Variants in SHC4 observed in about 807,000 individuals in gnomAD.
SHC4 encodes the protein SHC adaptor protein 4.
SHC4 carries 41 observed loss-of-function variants against 69.4 expected under a neutral mutation model. That is an observed-to-expected ratio of 0.59 (90% CI 0.46 to 0.77). The LOEUF (loss-of-function observed/expected upper bound fraction) is 0.77, where lower values mean the gene tolerates loss of function less well. Among genes scored for constraint, SHC4 ranks in the 30% least tolerant of loss-of-function variants. The pLI, the probability that SHC4 is intolerant of heterozygous loss-of-function variation, is 0.00. For missense variants in SHC4, 777 were observed against 783.8 expected, an observed-to-expected ratio of 0.99 and a Z score of 0.10; for synonymous variants, 318 against 299.3, an observed-to-expected ratio of 1.06 and a Z score of -0.64.
chr15:48,916,106 G>A (rs546852856), intron 2 of SHC4, among the ~76,000 whole-genome samples: 34 of 152,134 alleles, frequency 2.2e-4, no homozygotes, highest in African/African-American at 7.2e-4. Flanking sequence ...TTAGACAAAC[G>A]CCAGACTGTT....
In SHC4 at chr15:48,911,797, G is replaced by C. The variant is rs1900513656; in HGVS notation, c.656+13082C>G. The stretch of plus-strand genomic sequence containing the variant: ...TCCTTGTAGTGGTGATGTGGTAATG[G>C]TGAATTCTCTCAGCATTTGTTCGTC... On this transcript the variant is annotated intron_variant, in intron 2 of 11. Coordinates refer to ENST00000332408, the MANE Select transcript of SHC4 (RefSeq NM_203349.4). 3.3e-5 allele frequency among the ~76,000 whole-genome samples: 5 copies of C among 152,242 alleles called. No homozygotes were observed. In the South Asian group the frequency reaches 1.0e-3, roughly 32 times the overall value.
intron 2 of SHC4, among the ~76,000 whole-genome samples, chr15:48,908,745 A>G (rs1472360736): frequency 6.6e-6 from 1 of 152,182 alleles, no homozygotes; most frequent in African/African-American, 2.4e-5. Context: ...AGTGATGAGG[A>G]TCCAGTTTCA....
intron 2 of SHC4, among the ~76,000 whole-genome samples, chr15:48,906,396 A>G (rs894585832): frequency 4.6e-5 from 7 of 151,916 alleles, no homozygotes; most frequent in African/African-American, 2.4e-5. Context: ...TGTATCTACT[A>G]CCTTCATTTT....
intron 2 of SHC4, 44 bp from the exon 3 acceptor site, chr15:48,890,855 T>G: frequency 1.3e-6 from 2 of 1,591,838 alleles, no homozygotes; most frequent in Admixed American, 1.7e-5. Flanking sequence ...GCATACTACC[T>G]CCACACAGTA....
At chr15:48,920,977 AAGGAGGAGG>A (rs902042262) in intron 2 of SHC4, among the ~76,000 whole-genome samples, 2 of 151,522 alleles carry the variant, frequency 1.3e-5, no homozygotes, top group Non-Finnish European at 2.9e-5. Flanking sequence ...GAAGAAGGAG[AAGGAGGAGG>A]AGGAGGAGGA....
intron 1 of SHC4, among the ~76,000 whole-genome samples, chr15:48,939,255 G>A (rs953680878): frequency 3.3e-5 from 5 of 152,184 alleles, no homozygotes; most frequent in African/African-American, 1.2e-4. Flanking sequence ...GGCTATGGGA[G>A]TGTGTCAGAG....
At chr15:48,896,524 T>C (rs1900224368) in intron 2 of SHC4, among the ~76,000 whole-genome samples, 2 of 152,132 alleles carry the variant, frequency 1.3e-5, no homozygotes, top group African/African-American at 2.4e-5. Context: ...TTTCGCCACA[T>C]TGGCCAGGCT....
intron 1 of SHC4, among the ~76,000 whole-genome samples, chr15:48,925,849 G>A (rs1341587884): frequency 6.6e-6 from 1 of 152,174 alleles, no homozygotes; most frequent in Non-Finnish European, 1.5e-5. Context: ...AAGAGGGATG[G>A]TGTCAATAGG....
chr15:48,825,842 G>T lies in SHC4; in HGVS notation c.*129C>A. The T allele has an allele frequency of 1.8e-6, 2 of 1,129,572 alleles. No homozygotes were observed. Among genetic ancestry groups the T allele is most frequent in the Non-Finnish European group, 1.2e-6 (1 of 803,078 alleles). The allele number at this position is 1,129,572 out of a possible 1,614,324, so 70.0% of individuals were successfully genotyped here. ...TCATTTTATAGAGGACCTGGTCCAT[G>T]ATGGTCTTGGAAAGATGCACTTCAC... On this transcript the variant is annotated 3_prime_UTR_variant, in exon 12 of 12. Transcript: ENST00000332408.
At chr15:48,921,310 A>G (rs962089842) in intron 2 of SHC4, among the ~76,000 whole-genome samples, 1 of 151,602 alleles carries the variant, frequency 6.6e-6, no homozygotes, top group Non-Finnish European at 1.5e-5. Context: ...GCTGGGGAGG[A>G]AGAGGAAATG....
chr15:48,878,580 T>G (rs748918804), intron 4 of SHC4: 1 of 1,614,062 alleles, frequency 6.2e-7, no homozygotes, highest in East Asian at 2.2e-5. Context: ...GACAAGATGT[T>G]TCTGAGAACA....
intron 2 of SHC4, among the ~76,000 whole-genome samples, chr15:48,915,546 C>T (rs754064814): frequency 5.3e-5 from 8 of 152,200 alleles, no homozygotes; most frequent in Non-Finnish European, 8.8e-5. Flanking sequence ...GACATCTGCA[C>T]GTGTGTGAAA....
At chr15:48,881,981 T>C (rs575998686) in intron 4 of SHC4, among the ~76,000 whole-genome samples, 1 of 152,338 alleles carries the variant, frequency 6.6e-6, no homozygotes, top group South Asian at 2.1e-4. Context: ...CATCTATGAA[T>C]ATATCCATAA....
At chr15:48,898,351 G>A (rs1900260825) in intron 2 of SHC4, among the ~76,000 whole-genome samples, 1 of 152,138 alleles carries the variant, frequency 6.6e-6, no homozygotes, top group South Asian at 2.1e-4. Context: ...TTATCAAGGG[G>A]CATCACCCGT....
intron 6 of SHC4, 48 bp from the exon 7 acceptor site, chr15:48,857,863 G>A: frequency 7.1e-7 from 1 of 1,415,318 alleles, no homozygotes; most frequent in Non-Finnish European, 9.3e-7. Flanking sequence ...TTTTTAGAAA[G>A]AGAAGATTAC....
chr15:48,948,717 G>A (rs779336881), intron 1 of SHC4, among the ~76,000 whole-genome samples: 13 of 152,064 alleles, frequency 8.5e-5, no homozygotes, highest in Non-Finnish European at 1.9e-4. Flanking sequence ...ACCAGCCTGG[G>A]CAACATAGCA....
chr15:48,863,201 C>A (rs1899481996), intron 6 of SHC4, among the ~76,000 whole-genome samples: 1 of 151,706 alleles, frequency 6.6e-6, no homozygotes, highest in Admixed American at 6.6e-5. Context: ...CAAAAAGGCA[C>A]CAAGAAGAAA....
chr15:48,873,455 C>T (rs1343478166), intron 4 of SHC4, among the ~76,000 whole-genome samples: 3 of 152,122 alleles, frequency 2.0e-5, no homozygotes, highest in African/African-American at 7.2e-5. Context: ...CATATATCAA[C>T]AATAGTCGGC....
chr15:48,875,878 A>G (rs2140996488), intron 4 of SHC4, among the ~76,000 whole-genome samples: 1 of 152,316 alleles, frequency 6.6e-6, no homozygotes. Flanking sequence ...GAACTTAACA[A>G]CATTTTGCAG....
Sources: allele counts gnomAD v4.1 joint callset (sites outside exome capture counted in the v4.1 genomes callset), GRCh38; gene constraint gnomAD v4.1.1; transcripts MANE v1.5; gene names NCBI Gene and HGNC (gene_info 2026-07-23, HGNC 2026-07-21).